CELF4: variants seen among roughly 807,000 people sequenced by gnomAD.
CELF4 encodes CUGBP Elav-like family member 4, also known as CUG-BP- and ETR-3-like factor 4.
In CELF4, 18 loss-of-function variants were observed where a neutral mutation model predicts 59.9. That is an observed-to-expected ratio of 0.30 (90% confidence interval 0.21 to 0.45). The LOEUF (loss-of-function observed/expected upper bound fraction) is 0.45. Among genes scored for constraint, CELF4 ranks in the 20% least tolerant of loss-of-function variants. The pLI, the probability that CELF4 is intolerant of heterozygous loss-of-function variation, is 1.00. For missense variants in CELF4, 456 were observed against 689.0 expected (o/e 0.66, Z 3.79); for synonymous variants, 261 against 267.1 (o/e 0.98, Z 0.22).
intron 2 of CELF4, among the ~76,000 whole-genome samples, chr18:37,402,020 A>G (rs1050888018): frequency 6.6e-6 from 1 of 152,178 alleles, no homozygotes. Context: ...TGAGTATGCC[A>G]TCAGTTTGCT....
chr18:37,317,667 C>G (rs1302687250), intron 3 of CELF4, among the ~76,000 whole-genome samples: 2 of 152,226 alleles, frequency 1.3e-5, no homozygotes, highest in African/African-American at 4.8e-5. Flanking sequence ...TCCACTCCAA[C>G]CCCTCCAGAG....
At chr18:37,377,988 G>A (rs2098990564) in intron 2 of CELF4, among the ~76,000 whole-genome samples, 1 of 152,098 alleles carries the variant, frequency 6.6e-6, no homozygotes, top group African/African-American at 2.4e-5. Context: ...AGTCCAGCGG[G>A]GACCTTCTCC....
chr18:37,497,576 C>T (rs1451438587), intron 1 of CELF4, among the ~76,000 whole-genome samples: 5 of 150,582 alleles, frequency 3.3e-5, no homozygotes, highest in Admixed American at 6.6e-5. Flanking sequence ...CGCTTGAACC[C>T]GGGAGGCAGA....
intron 1 of CELF4, among the ~76,000 whole-genome samples, chr18:37,513,941 CGTGTGT>C (rs5824070): frequency 0.033 from 4,732 of 144,060 alleles, 134 homozygotes; most frequent in African/African-American, 0.076. Flanking sequence ...TGTGTGGTGC[CGTGTGT>C]GTGTGTGTGT....
intron 2 of CELF4, among the ~76,000 whole-genome samples, chr18:37,423,734 G>A (rs547352444): frequency 6.6e-6 from 1 of 152,184 alleles, no homozygotes; most frequent in East Asian, 1.9e-4. Context: ...AGGGGAGGAA[G>A]CCTCCCTAGG....
intron 2 of CELF4, among the ~76,000 whole-genome samples, chr18:37,327,620 G>A (rs1011881745): frequency 6.6e-6 from 1 of 152,206 alleles, no homozygotes; most frequent in Admixed American, 6.5e-5. Flanking sequence ...GTCCTTCACT[G>A]CCTGATGCCT....
Position 37,329,198 on chromosome 18 carries a change from G to A in CELF4, c.370-7317C>T, listed in dbSNP as rs368944081. 8.5e-5 allele frequency among the ~76,000 whole-genome samples: 13 copies of A among 152,346 alleles called. 1 individual carries two copies. The highest frequency in any genetic ancestry group is 3.1e-4 in the African/African-American group (13 of 41,584). ...AGGGTGCCTTCAGCTGGAAACGCAA[G>A]CCAAACTCAGGAAGCCTACAAGAGA... On this transcript the variant is annotated intron_variant, in intron 2 of 12. Transcript: ENST00000420428.
chr18:37,418,418 G>GC (rs1355541096), intron 2 of CELF4, among the ~76,000 whole-genome samples: 1 of 152,176 alleles, frequency 6.6e-6, no homozygotes, highest in Non-Finnish European at 1.5e-5. Flanking sequence ...AGGACCACCT[G>GC]CCCCCCACTG....
At chr18:37,428,804 C>T (rs2099630262) in intron 2 of CELF4, among the ~76,000 whole-genome samples, 1 of 152,166 alleles carries the variant, frequency 6.6e-6, no homozygotes, top group African/African-American at 2.4e-5. Context: ...TGTGCCTGAT[C>T]CCTCCAGCCC....
intron 3 of CELF4, among the ~76,000 whole-genome samples, chr18:37,280,801 G>A (rs1461140818): frequency 6.6e-6 from 1 of 152,228 alleles, no homozygotes; most frequent in Non-Finnish European, 1.5e-5. Flanking sequence ...CCTGCCTCCT[G>A]ACTGCTTTCC....
chr18:37,257,821 C>T (rs1178716137), intron 11 of CELF4, among the ~76,000 whole-genome samples: 1 of 152,128 alleles, frequency 6.6e-6, no homozygotes, highest in Non-Finnish European at 1.5e-5. Flanking sequence ...CTGGACTCTT[C>T]AGTCCTCATG....
rs141139782 is a variant in CELF4 at position 37,337,567 on chromosome 18, C to T, written c.370-15686G>A. On this transcript the variant is annotated intron_variant, in intron 2 of 12. Transcript: ENST00000420428. ...ATCTGACTGCAGCCCTGGCATGTTCCGGAGGGCCTGCGGAGGAAATGCCCC... is the reference window on the plus strand; with the variant it reads ...ATCTGACTGCAGCCCTGGCATGTTCTGGAGGGCCTGCGGAGGAAATGCCCC... 1.1e-3 allele frequency among the ~76,000 whole-genome samples: 165 copies of T among 152,280 alleles called. 3 individuals are homozygous for T. In the East Asian group the frequency reaches 0.028, roughly 26 times the overall value.
chr18:37,317,227 T>C lies in CELF4; in HGVS notation c.448+4576A>G, dbSNP rs771725087. Among the ~76,000 whole-genome samples the C allele has an allele frequency of 1.2e-3, 177 of 152,210 alleles. 2 individuals are homozygous for C. The highest frequency in any genetic ancestry group is 9.8e-4 in the Admixed American group (15 of 15,302). ...CATGGTAAAACCCCATCTCTACTAA[T>C]AATACAAAAATTAGCTAGGCGTGGT... is the stretch of plus-strand genomic sequence containing the variant. On this transcript the variant is annotated intron_variant, in intron 3 of 12. Coordinates refer to ENST00000420428, the MANE Select transcript of CELF4 (RefSeq NM_020180.4).
rs368763748 is a variant in CELF4 at position 37,330,571 on chromosome 18, C to T, written c.370-8690G>A. On this transcript the variant is annotated intron_variant, in intron 2 of 12. Coordinates refer to ENST00000420428, the MANE Select transcript of CELF4 (RefSeq NM_020180.4). ...ACCCTCAGCAGTGATTTCAGAGACA[C>T]CTGACAGATATATGGATTTGTTTGT... 3.6e-4 allele frequency among the ~76,000 whole-genome samples: 55 copies of T among 152,340 alleles called. No homozygotes were observed. The South Asian group carries it at 0.011, about 29-fold the overall frequency.
intron 2 of CELF4, among the ~76,000 whole-genome samples, chr18:37,421,734 C>G (rs1271355480): frequency 6.6e-6 from 1 of 152,244 alleles, no homozygotes; most frequent in Non-Finnish European, 1.5e-5. Flanking sequence ...ATTGCTCTCT[C>G]TTTTGAGAGT....
intron 2 of CELF4, among the ~76,000 whole-genome samples, chr18:37,413,165 C>T (rs572823347): frequency 6.6e-6 from 1 of 152,290 alleles, no homozygotes; most frequent in South Asian, 2.1e-4. Flanking sequence ...TGGGAGCCAG[C>T]GATGTCTACA....
chr18:37,308,449 G>A (rs72883671), intron 3 of CELF4, among the ~76,000 whole-genome samples: 9,966 of 152,202 alleles, frequency 0.065, 445 homozygotes, highest in Middle Eastern at 0.13. Context: ...CTGCTCCAGC[G>A]GGCACAGGCC....
At chr18:37,472,838 A>T (rs1434320044) in intron 2 of CELF4, among the ~76,000 whole-genome samples, 1 of 152,194 alleles carries the variant, frequency 6.6e-6, no homozygotes, top group Non-Finnish European at 1.5e-5. Context: ...GGAATTTGGG[A>T]CCTAGCCAAA....
chr18:37,423,101 G>GAGAC (rs1474709475), intron 2 of CELF4, among the ~76,000 whole-genome samples: 64 of 151,506 alleles, frequency 4.2e-4, no homozygotes, highest in African/African-American at 1.3e-3. Context: ...GAGAGAGAGA[G>GAGAC]AGACAGACAG....
Sources: gnomAD v4.1 joint callset for allele counts (sites outside exome capture counted in the v4.1 genomes callset) on GRCh38, gnomAD v4.1.1 for gene constraint, MANE v1.5 for transcripts, NCBI Gene and HGNC (gene_info 2026-07-23, HGNC 2026-07-21) for gene names.